The following GALNT6 variants were observed in gnomAD, a reference collection of about 807,000 sequenced individuals.
The protein encoded by GALNT6 is GalNAc transferase 6.
In GALNT6, 51 loss-of-function variants were observed where a neutral mutation model predicts 65.9. The observed-to-expected ratio is 0.77, with a 90% CI of 0.62 to 0.98. GALNT6 has a LOEUF of 0.98. Among genes scored for constraint, GALNT6 ranks in the 50% least tolerant of loss-of-function variants. The pLI, the probability that GALNT6 is intolerant of heterozygous loss-of-function variation, is 0.00. For missense variants in GALNT6, 708 were observed against 803.3 expected, an observed-to-expected ratio of 0.88 and a Z score of 1.43; for synonymous variants, 323 against 315.1, an observed-to-expected ratio of 1.02 and a Z score of -0.26.
At chr12:51,391,630 G>C (rs1948112987), upstream of GALNT6, 1 of 133,070 alleles carries the variant, frequency 7.5e-6, no homozygotes, top group Non-Finnish European at 1.8e-5. Flanking sequence ...CCGCAGCCGC[G>C]CCGCGGGGTG....
chr12:51,384,595 G>A (rs1947770512), intron 2 of GALNT6, among the ~76,000 whole-genome samples: 1 of 151,562 alleles, frequency 6.6e-6, no homozygotes, highest in African/African-American at 2.4e-5. Context: ...AGGAGACAGA[G>A]GCAGGAGAGT....
intron 4 of GALNT6, among the ~76,000 whole-genome samples, chr12:51,366,295 T>G (rs1947104055): frequency 6.6e-6 from 1 of 152,202 alleles, no homozygotes; most frequent in Non-Finnish European, 1.5e-5. Flanking sequence ...CTTCCAGAGC[T>G]GCAATTCCAC....
chr12:51,390,355 G>A (rs1948022744), intron 2 of GALNT6, among the ~76,000 whole-genome samples: 1 of 151,760 alleles, frequency 6.6e-6, no homozygotes. Flanking sequence ...GTGGAGATGG[G>A]GTTTTGCCAT....
chr12:51,374,918 CTAAA>C (rs923851042), intron 4 of GALNT6, among the ~76,000 whole-genome samples: 11 of 152,156 alleles, frequency 7.2e-5, no homozygotes, highest in African/African-American at 2.7e-4. Context: ...TTCTTACTTT[CTAAA>C]TAAATGCTTT....
At chr12:51,371,841 C>A (rs760645598) in intron 4 of GALNT6, among the ~76,000 whole-genome samples, 1 of 152,088 alleles carries the variant, frequency 6.6e-6, no homozygotes, top group African/African-American at 2.4e-5. Context: ...CATTGTATTT[C>A]GGCAGAGACA....
At chr12:51,376,259 C>G (rs1176714385) in intron 4 of GALNT6, among the ~76,000 whole-genome samples, 1 of 152,144 alleles carries the variant, frequency 6.6e-6, no homozygotes, top group Non-Finnish European at 1.5e-5. Context: ...GATTTGAATT[C>G]CTAGGTGTTG....
At chr12:51,372,020 T>G (rs563979174) in intron 4 of GALNT6, among the ~76,000 whole-genome samples, 1 of 152,272 alleles carries the variant, frequency 6.6e-6, no homozygotes, top group Non-Finnish European at 1.5e-5. Context: ...ATCTCTAGCG[T>G]CTGAAAGCCC....
At chr12:51,357,521 C>A in intron 9 of GALNT6, 71 bp from the exon 10 acceptor site, 1 of 1,054,420 alleles carries the variant, frequency 9.5e-7, no homozygotes, top group Non-Finnish European at 1.5e-6. Flanking sequence ...TGGTATGGGG[C>A]CCCACTGGAA....
In GALNT6 at chr12:51,352,726, C is replaced by T. The variant is rs900717828; in HGVS notation, c.*1653G>A. On this transcript the variant is annotated 3_prime_UTR_variant, in exon 12 of 12. Transcript: ENST00000356317. ...TGCTCTTGTTGCCTAGGCTGGAGTT[C>T]AGTGGCGCGATCTTGGCTCACTGCA... The T allele has an allele frequency of 6.6e-6, 1 of 152,234 alleles. No individual in the cohort carries two copies. The highest frequency in any genetic ancestry group is 2.4e-5 in the African/African-American group (1 of 41,402). 9.4% of individuals were successfully genotyped at this position (152,234 alleles called of 1,614,324 possible). A position where few individuals can be genotyped will look rare whatever the true frequency, so the allele number is the denominator to read the frequency against.
intron 6 of GALNT6, among the ~76,000 whole-genome samples, chr12:51,362,182 T>C (rs1946944631): frequency 6.6e-6 from 1 of 152,160 alleles, no homozygotes; most frequent in Non-Finnish European, 1.5e-5. Context: ...GCCAACCTGC[T>C]TCCTCCCCCA....
chr12:51,373,434 C>T (rs1210843769), intron 4 of GALNT6, among the ~76,000 whole-genome samples: 2 of 152,166 alleles, frequency 1.3e-5, no homozygotes, highest in Non-Finnish European at 2.9e-5. Context: ...TCTCATTCTT[C>T]TCTCTCCTGA....
At chr12:51,381,255 A>G (rs539582206) in intron 2 of GALNT6, among the ~76,000 whole-genome samples, 1 of 152,220 alleles carries the variant, frequency 6.6e-6, no homozygotes, top group Non-Finnish European at 1.5e-5. Flanking sequence ...AAATAAATAA[A>G]AGTTATCTGT....
chr12:51,379,818 CTG>C lies in GALNT6; in HGVS notation c.-39_-38del, dbSNP rs757598121. ...AAGGGGCACCCCAGCTGCGTCAGCTCTGAGTCCTGAGCCCAACCCTGGAGATA... is the reference window on the plus strand; with the variant it reads ...AAGGGGCACCCCAGCTGCGTCAGCTCAGTCCTGAGCCCAACCCTGGAGATA... On this transcript the variant is annotated 5_prime_UTR_variant, in exon 3 of 12. An upstream open reading frame in the 5' UTR gains an earlier in-frame stop. Transcript: ENST00000356317. The C allele has an allele frequency of 6.4e-7, 1 of 1,564,698 alleles. No homozygotes were observed. Among genetic ancestry groups the C allele is most frequent in the Non-Finnish European group, 8.6e-7 (1 of 1,160,356 alleles).
chr12:51,379,173 C>T, intron 3 of GALNT6, 118 bp downstream of exon 3: 1 of 1,009,342 alleles, frequency 9.9e-7, no homozygotes, highest in Non-Finnish European at 1.4e-6. Flanking sequence ...AGATCCTTGC[C>T]CATATTATAA....
chr12:51,359,488 C>T, intron 7 of GALNT6, 156 bp from the exon 8 acceptor site: 1 of 566,652 alleles, frequency 1.8e-6, no homozygotes, highest in Non-Finnish European at 3.1e-6. Flanking sequence ...ACCGACCAGG[C>T]TTCTTCCTAG....
At position 51,365,465 on chromosome 12, in the gene GALNT6, G is replaced by A; in HGVS notation, c.779C>T (p.Ala260Val). ...ITARLLGASV[A>V]QAEVLTFLDA... ...CAGGAACGTGAGCACCTCCGCCTGT[G>A]CCACGCTGGCCCCCAGCAGCCGGGC... The change falls in exon 5 of 12, where the codon GCA becomes GTA. Residue 260 changes from alanine to valine, a missense_variant. Ala to Val is a moderately conservative substitution (Grantham distance 64). Coordinates refer to ENST00000356317, the MANE Select transcript of GALNT6 (RefSeq NM_007210.4). 1.9e-6 allele frequency: 3 copies of A among 1,611,954 alleles called. No homozygotes were observed. Among genetic ancestry groups the A allele is most frequent in the Non-Finnish European group, 2.5e-6 (3 of 1,179,864 alleles).
intron 4 of GALNT6, among the ~76,000 whole-genome samples, chr12:51,374,325 T>C (rs574320493): frequency 6.6e-6 from 1 of 152,162 alleles, no homozygotes; most frequent in Admixed American, 6.5e-5. Context: ...AATACCACCA[T>C]GCCTGCTAAT....
chr12:51,361,561 T>C (rs766799819), intron 6 of GALNT6, among the ~76,000 whole-genome samples: 3 of 152,190 alleles, frequency 2.0e-5, no homozygotes, highest in Non-Finnish European at 4.4e-5. Context: ...TAGAAGGTTA[T>C]AAAAAGATTC....
intron 4 of GALNT6, among the ~76,000 whole-genome samples, chr12:51,373,614 A>G (rs1441310357): frequency 6.6e-6 from 1 of 152,228 alleles, no homozygotes; most frequent in Non-Finnish European, 1.5e-5. Context: ...CTTCCGAAGG[A>G]TGGGTAGCAT....
Sources: gnomAD v4.1 joint callset for allele counts (sites outside exome capture counted in the v4.1 genomes callset) on GRCh38, gnomAD v4.1.1 for gene constraint, MANE v1.5 for transcripts, NCBI Gene and HGNC (gene_info 2026-07-23, HGNC 2026-07-21) for gene names.